Variants in ALPK2 observed in about 807,000 individuals in gnomAD.
ALPK2 encodes the protein alpha-protein kinase 2.
ALPK2 carries 127 observed loss-of-function variants against 163.1 expected under a neutral mutation model. The observed-to-expected ratio is 0.78, with a 90% confidence interval of 0.67 to 0.90. The LOEUF (loss-of-function observed/expected upper bound fraction) is 0.90. ALPK2 is among the 40% of genes least tolerant of loss of function. The pLI, the probability that ALPK2 is intolerant of heterozygous loss-of-function variation, is 0.00. For synonymous variants in ALPK2, 953 were observed against 959.1 expected (o/e 0.99, Z 0.12); for missense variants, 2,360 against 2,589.6 (o/e 0.91, Z 1.92).
chr18:58,574,716 G>A (rs115294516), intron 4 of ALPK2, among the ~76,000 whole-genome samples: 120 of 152,190 alleles, frequency 7.9e-4, no homozygotes, highest in African/African-American at 9.6e-5. Flanking sequence ...ATTGTCTTCC[G>A]CAAAACCAGT....
At chr18:58,510,862 T>C (rs2051486607) in intron 10 of ALPK2, among the ~76,000 whole-genome samples, 1 of 152,234 alleles carries the variant, frequency 6.6e-6, no homozygotes. Flanking sequence ...CTTTTCCTAA[T>C]TGAATACCTT....
chr18:58,533,746 A>G (rs974457309), intron 5 of ALPK2, among the ~76,000 whole-genome samples: 5 of 152,140 alleles, frequency 3.3e-5, no homozygotes, highest in African/African-American at 1.2e-4. Flanking sequence ...GTGAGCCACA[A>G]TGCCGAGCCA....
intron 2 of ALPK2, among the ~76,000 whole-genome samples, chr18:58,610,242 C>G (rs1361745641): frequency 7.0e-6 from 1 of 142,572 alleles, no homozygotes; most frequent in African/African-American, 2.6e-5. Context: ...CCACTGCACT[C>G]CAGCCTGGGC....
At chr18:58,605,474 C>T (rs1393576872) in intron 3 of ALPK2, among the ~76,000 whole-genome samples, 2 of 152,200 alleles carry the variant, frequency 1.3e-5, no homozygotes, top group Admixed American at 1.3e-4. Flanking sequence ...AGGCACTGTG[C>T]CAGGCTCTAG....
chr18:58,538,824 G>C (rs1249074812), intron 4 of ALPK2, among the ~76,000 whole-genome samples: 1 of 152,044 alleles, frequency 6.6e-6, no homozygotes, highest in Non-Finnish European at 1.5e-5. Flanking sequence ...CCATCCCTCA[G>C]GGGTGGGGGG....
At chr18:58,626,869 T>C (rs1568105194) in intron 1 of ALPK2, among the ~76,000 whole-genome samples, 1 of 142,536 alleles carries the variant, frequency 7.0e-6, no homozygotes, top group Non-Finnish European at 1.6e-5. Context: ...TATGGTAGTA[T>C]TCTAAAGTTT....
In ALPK2 at chr18:58,536,085, T is replaced by A; in HGVS notation, c.4102A>T (p.Asn1368Tyr). 1 of 1,614,166 alleles carries A rather than the reference T, an allele frequency of 6.2e-7. No homozygotes were observed. The highest frequency in any genetic ancestry group is 8.5e-7 in the Non-Finnish European group (1 of 1,180,030). The part of the protein sequence containing the change: ...SAASETGGKE[N>Y]VNNVSQDQEE... ...TGGTCTTGACTCACATTGTTAACAT[T>A]TTCCTTCCCTCCAGTTTCAGAAGCC... is the stretch of plus-strand genomic sequence containing the variant. Residue 1368 changes from asparagine (N) to tyrosine (Y), a missense_variant, in exon 5 of 13, where the codon AAT becomes TAT. Coordinates refer to ENST00000361673, the MANE Select transcript of ALPK2 (RefSeq NM_052947.4).
At chr18:58,558,758 T>A (rs374618299) in intron 4 of ALPK2, among the ~76,000 whole-genome samples, 1 of 152,248 alleles carries the variant, frequency 6.6e-6, no homozygotes, top group Non-Finnish European at 1.5e-5. Flanking sequence ...AAAAGGAGTA[T>A]TGATAGATTC....
At chr18:58,571,427 GAAAAAAA>G (rs77059313) in intron 4 of ALPK2, among the ~76,000 whole-genome samples, 1 of 108,732 alleles carries the variant, frequency 9.2e-6, no homozygotes, top group African/African-American at 3.5e-5. Context: ...ACATCCACAG[GAAAAAAA>G]AAAAAAAAAA....
At chr18:58,543,502 A>G (rs1371504874) in intron 4 of ALPK2, 4 of 541,830 alleles carry the variant, frequency 7.4e-6, no homozygotes, top group South Asian at 8.0e-5. Context: ...CAGAAAGGGT[A>G]TCACTACACT....
intron 10 of ALPK2, among the ~76,000 whole-genome samples, chr18:58,512,829 GT>G (rs2051498714): frequency 9.2e-6 from 1 of 108,950 alleles, no homozygotes; most frequent in Non-Finnish European, 1.9e-5. Flanking sequence ...TGTATGAGGT[GT>G]GTGTGTGTGT....
intron 3 of ALPK2, among the ~76,000 whole-genome samples, chr18:58,583,720 A>T (rs921769749): frequency 1.4e-5 from 2 of 146,446 alleles, no homozygotes; most frequent in African/African-American, 2.6e-5. Context: ...CCTGGATGGC[A>T]GAGCAAGACT....
At chr18:58,621,368 A>G (rs935494156) in intron 1 of ALPK2, among the ~76,000 whole-genome samples, 1 of 150,338 alleles carries the variant, frequency 6.7e-6, no homozygotes, top group Admixed American at 6.7e-5. Flanking sequence ...TCCGCCTCCC[A>G]GGTTCACACC....
At chr18:58,606,693 T>C (rs1452389216) in intron 3 of ALPK2, among the ~76,000 whole-genome samples, 3 of 152,152 alleles carry the variant, frequency 2.0e-5, no homozygotes, top group Non-Finnish European at 4.4e-5. Flanking sequence ...AGCCCCATAA[T>C]GGCACTGTGA....
chr18:58,563,959 G>C (rs967039596), intron 4 of ALPK2, among the ~76,000 whole-genome samples: 1 of 152,084 alleles, frequency 6.6e-6, no homozygotes, highest in Non-Finnish European at 1.5e-5. Flanking sequence ...TGCCAGCAGT[G>C]TAAGAGAAAA....
rs368707204 is a variant in ALPK2 at position 58,535,693 on chromosome 18, G to T, written c.4494C>A (p.Ser1498Arg). Residue 1498 changes from serine to arginine, a missense_variant, in exon 5 of 13, where the codon AGC (serine) becomes AGA (arginine). Transcript: ENST00000361673. ...KTAIWQVLQP[S>R]EGGERIPSGC... ...CACTTGGAATTCTTTCACCGCCTTC[G>T]CTGGGTTGCAGGACTTGCCAAATGG... is the stretch of plus-strand genomic sequence containing the variant. 6 of 1,614,116 alleles carry T rather than the reference G, an allele frequency of 3.7e-6. No homozygotes were observed. The African/African-American group carries it at 6.7e-5, about 18-fold the overall frequency.
chr18:58,535,518 T>C lies in ALPK2; in HGVS notation c.4669A>G (p.Thr1557Ala). The part of the protein sequence containing the change: ...IMTHASLGVD[T>A]HNSTGQIHDV... ...TGAATTTGGCCTGTGGAGTTGTGCGTGTCAACCCCAAGAGAAGCGTGAGTC... is the reference window on the plus strand; with the variant it reads ...TGAATTTGGCCTGTGGAGTTGTGCGCGTCAACCCCAAGAGAAGCGTGAGTC... The change falls in exon 5 of 13, where the codon ACG becomes GCG. Residue 1557 changes from threonine (T) to alanine (A), a missense_variant. Thr to Ala is a moderately conservative substitution (Grantham distance 58). Coordinates refer to ENST00000361673, the MANE Select transcript of ALPK2 (RefSeq NM_052947.4). 1.9e-6 allele frequency: 3 copies of C among 1,614,184 alleles called. No homozygotes were observed. The highest frequency in any genetic ancestry group is 3.3e-5 in the Admixed American group (2 of 60,026).
At chr18:58,552,679 C>T (rs915319531) in intron 4 of ALPK2, among the ~76,000 whole-genome samples, 4 of 152,172 alleles carry the variant, frequency 2.6e-5, no homozygotes, top group African/African-American at 9.7e-5. Context: ...CTTCTTGAAA[C>T]TTACATTCTG....
chr18:58,494,993 A>G (rs2051394161), intron 12 of ALPK2, among the ~76,000 whole-genome samples: 1 of 152,122 alleles, frequency 6.6e-6, no homozygotes, highest in African/African-American at 2.4e-5. Flanking sequence ...GCTGACTTCA[A>G]GCAGGAAAGA....
Sources: gnomAD v4.1 joint callset for allele counts (sites outside exome capture counted in the v4.1 genomes callset) on GRCh38, gnomAD v4.1.1 for gene constraint, MANE v1.5 for transcripts, NCBI Gene and HGNC (gene_info 2026-07-23, HGNC 2026-07-21) for gene names.